The following CAMTA1 variants were observed in gnomAD, a reference collection of about 807,000 sequenced individuals.
The protein encoded by CAMTA1 is calmodulin binding transcription activator 1.
In CAMTA1, 27 loss-of-function variants were observed where a neutral mutation model predicts 170.9. That is an observed-to-expected ratio of 0.16 (90% CI 0.12 to 0.22). The LOEUF is 0.22. Ranked by LOEUF, CAMTA1 falls within the 10% of genes least tolerant of loss-of-function variation. The pLI is 1.00. For missense variants in CAMTA1, 1,619 were observed against 2,217.2 expected (o/e 0.73, Z 5.42); for synonymous variants, 833 against 891.5 (o/e 0.93, Z 1.17).
At chr1:7,202,222 T>C (rs1242495866) in intron 4 of CAMTA1, among the ~76,000 whole-genome samples, 1 of 152,230 alleles carries the variant, frequency 6.6e-6, no homozygotes, top group East Asian at 1.9e-4. Flanking sequence ...ATTTCTAGGC[T>C]GTCATTTCTA....
chr1:6,894,771 G>A (rs1675280289), intron 3 of CAMTA1, among the ~76,000 whole-genome samples: 1 of 152,200 alleles, frequency 6.6e-6, no homozygotes, highest in South Asian at 2.1e-4. Context: ...ATATAAGAAT[G>A]CTAAATGGGG....
At position 7,680,421 on chromosome 1, in the gene CAMTA1, G is replaced by A. The variant is rs2096179723; in HGVS notation, c.2914+2688G>A. ...GGACTGCAGCGCGGAGCAAACTGGGGCACGGCTGCCGGCGGCGCGCGTGCA... is the reference window on the plus strand; with the variant it reads ...GGACTGCAGCGCGGAGCAAACTGGGACACGGCTGCCGGCGGCGCGCGTGCA... On this transcript the variant is annotated intron_variant, in intron 11 of 22. Coordinates refer to ENST00000303635, the MANE Select transcript of CAMTA1 (RefSeq NM_015215.4). The surrounding 1 kb of genome is among the most constrained non-coding windows in gnomAD (Gnocchi z 4.4). Among the ~76,000 whole-genome samples, 1 of 152,102 alleles carries A rather than the reference G, an allele frequency of 6.6e-6. No individual in the cohort carries two copies. Among genetic ancestry groups the A allele is most frequent in the African/African-American group, 2.4e-5 (1 of 41,446 alleles).
rs535244880 is a variant in CAMTA1, at chr1:7,158,943, C to T, written c.302+67572C>T. Among the ~76,000 whole-genome samples the T allele has an allele frequency of 4.4e-5, 6 of 136,510 alleles. No homozygotes were observed. The South Asian group carries it at 6.9e-4, about 16-fold the overall frequency. 89.6% of individuals were successfully genotyped at this position (136,510 alleles called of 152,430 possible). ...AATACCCACAGTGGCTTAATGTGGACGATTCTAGTTCCTAAGTTGGGGTGA... is the reference window on the plus strand; with the variant it reads ...AATACCCACAGTGGCTTAATGTGGATGATTCTAGTTCCTAAGTTGGGGTGA... On this transcript the variant is annotated intron_variant, in intron 4 of 22. Transcript: ENST00000303635.
chr1:6,931,439 C>T (rs925600313), intron 3 of CAMTA1, among the ~76,000 whole-genome samples: 5 of 152,102 alleles, frequency 3.3e-5, no homozygotes, highest in African/African-American at 1.2e-4. Flanking sequence ...AATTATAGTA[C>T]TAAATGGAAC....
At chr1:6,914,839 G>A (rs559487471) in intron 3 of CAMTA1, among the ~76,000 whole-genome samples, 4 of 152,344 alleles carry the variant, frequency 2.6e-5, no homozygotes, top group East Asian at 3.9e-4. Flanking sequence ...CCAGAAACAC[G>A]TTTTTGTCTC....
At chr1:7,643,292 C>A (rs538665160) in intron 7 of CAMTA1, among the ~76,000 whole-genome samples, 1 of 152,338 alleles carries the variant, frequency 6.6e-6, no homozygotes, top group African/African-American at 2.4e-5. Context: ...ACAGAGGCCC[C>A]ATCCATATGG....
At chr1:7,376,428 T>C (rs2086849168) in intron 5 of CAMTA1, among the ~76,000 whole-genome samples, 1 of 152,128 alleles carries the variant, frequency 6.6e-6, no homozygotes, top group Non-Finnish European at 1.5e-5. Context: ...CACATACACG[T>C]GAGCCAAGGT....
At chr1:6,961,941 G>A (rs1690490551) in intron 3 of CAMTA1, among the ~76,000 whole-genome samples, 1 of 152,300 alleles carries the variant, frequency 6.6e-6, no homozygotes, top group African/African-American at 2.4e-5. Flanking sequence ...GGGAGGGAAG[G>A]CGCTGTGCAT....
intron 6 of CAMTA1, among the ~76,000 whole-genome samples, chr1:7,560,970 T>A (rs1315053549): frequency 6.6e-6 from 1 of 151,534 alleles, no homozygotes; most frequent in Non-Finnish European, 1.5e-5. Flanking sequence ...AGAACAGGAG[T>A]CCCTCAGTGG....
At chr1:6,849,222 A>C (rs1437981399) in intron 3 of CAMTA1, among the ~76,000 whole-genome samples, 1 of 152,212 alleles carries the variant, frequency 6.6e-6, no homozygotes, top group East Asian at 1.9e-4. Flanking sequence ...TACATAAAGA[A>C]GAGCAGGTTT....
rs538715582 is a variant in CAMTA1, at chr1:7,114,753, G to A, written c.302+23382G>A. 2.4e-4 allele frequency among the ~76,000 whole-genome samples: 35 copies of A among 144,752 alleles called. No homozygotes were observed. In the South Asian group the frequency reaches 6.8e-3, roughly 28 times the overall value. 95.0% of individuals were successfully genotyped at this position (144,752 alleles called of 152,430 possible). A position where few individuals can be genotyped will look rare whatever the true frequency, so the allele number is the denominator to read the frequency against. ...GATGGTGGTGTTCCAGTCTGAGTCCGAAAACCTGAGACCCAGGAGAGCTGA... is the reference window on the plus strand; with the variant it reads ...GATGGTGGTGTTCCAGTCTGAGTCCAAAAACCTGAGACCCAGGAGAGCTGA... On this transcript the variant is annotated intron_variant, in intron 4 of 22. Coordinates refer to ENST00000303635, the MANE Select transcript of CAMTA1 (RefSeq NM_015215.4).
intron 3 of CAMTA1, among the ~76,000 whole-genome samples, chr1:7,077,115 A>G (rs773088316): frequency 2.0e-5 from 3 of 152,150 alleles, no homozygotes; most frequent in Non-Finnish European, 4.4e-5. Context: ...GTTTGTTTGA[A>G]GTGTGAATTA....
chr1:7,084,267 G>A (rs577950825), intron 3 of CAMTA1, among the ~76,000 whole-genome samples: 2 of 152,234 alleles, frequency 1.3e-5, no homozygotes, highest in African/African-American at 2.4e-5. Flanking sequence ...CTGACATTGA[G>A]CCTGTATCTT....
chr1:7,036,999 A>G (rs376802567), intron 3 of CAMTA1, among the ~76,000 whole-genome samples: 3 of 152,350 alleles, frequency 2.0e-5, no homozygotes, highest in East Asian at 3.9e-4. Flanking sequence ...AGACTTCTTC[A>G]TCGGTTTTAT....
chr1:7,025,144 G>T (rs955810842), intron 3 of CAMTA1, among the ~76,000 whole-genome samples: 28 of 152,238 alleles, frequency 1.8e-4, no homozygotes, highest in African/African-American at 6.3e-4. Context: ...TTTCATTGCA[G>T]CTATGTGCGT....
rs1054145228 is a variant in CAMTA1 at position 7,325,385 on chromosome 1, A to G, written c.438+75759A>G. On this transcript the variant is annotated intron_variant, in intron 5 of 22. Transcript: ENST00000303635. The surrounding 1 kb of genome is among the most constrained non-coding windows in gnomAD (Gnocchi z 5.0). Reference sequence around the variant, plus strand: ...GGCTGGAGGGTGCCAGGAAGAAGCCATGTCTGCCTGGGAGGGGAAACACTG... The same window carrying G: ...GGCTGGAGGGTGCCAGGAAGAAGCCGTGTCTGCCTGGGAGGGGAAACACTG... Among the ~76,000 whole-genome samples the G allele has an allele frequency of 3.3e-5, 5 of 152,170 alleles. No homozygotes were observed. The highest frequency in any genetic ancestry group is 7.4e-5 in the Non-Finnish European group (5 of 68,024).
chr1:6,903,410 T>C (rs1054802087), intron 3 of CAMTA1, among the ~76,000 whole-genome samples: 1 of 152,246 alleles, frequency 6.6e-6, no homozygotes, highest in African/African-American at 2.4e-5. Context: ...TAATTAAAAA[T>C]ATATTTAAAA....
chr1:7,107,395 A>G (rs1643713519), intron 4 of CAMTA1, among the ~76,000 whole-genome samples: 1 of 152,010 alleles, frequency 6.6e-6, no homozygotes, highest in Admixed American at 6.6e-5. Context: ...GCACAGCAGC[A>G]TTTGTACGGG....
At chr1:7,691,155 G>T (rs965608897) in intron 11 of CAMTA1, among the ~76,000 whole-genome samples, 1 of 152,172 alleles carries the variant, frequency 6.6e-6, no homozygotes, top group Non-Finnish European at 1.5e-5. Flanking sequence ...ATTTCTTGAA[G>T]AAATGACCCC....
Sources: gnomAD v4.1 joint callset for allele counts (sites outside exome capture counted in the v4.1 genomes callset) on GRCh38, gnomAD v4.1.1 for gene constraint, Gnocchi (gnomAD v3.1) non-coding constraint, MANE v1.5 for transcripts, NCBI Gene and HGNC (gene_info 2026-07-23, HGNC 2026-07-21) for gene names.